Variants in RASGRF1 observed in about 807,000 individuals in gnomAD.
RASGRF1 encodes the protein ras-specific guanine nucleotide-releasing factor 1.
RASGRF1 carries 40 observed loss-of-function variants against 138.7 expected under a neutral mutation model. The observed-to-expected ratio is 0.29, with a 90% CI of 0.22 to 0.38. The LOEUF is 0.38. Among genes scored for constraint, RASGRF1 ranks in the 10% least tolerant of loss-of-function variants. RASGRF1 has a pLI of 1.00. For missense variants in RASGRF1, 1,108 were observed against 1,650.4 expected (o/e 0.67, Z 5.69); for synonymous variants, 614 against 663.2 (o/e 0.93, Z 1.14).
intron 1 of RASGRF1, among the ~76,000 whole-genome samples, chr15:79,082,988 A>G (rs2057933246): frequency 6.6e-6 from 1 of 152,180 alleles, no homozygotes; most frequent in Non-Finnish European, 1.5e-5. Context: ...GCGCTGTGCT[A>G]GGGCTTTCCA....
chr15:79,084,887 TG>T (rs1405758273), intron 1 of RASGRF1, among the ~76,000 whole-genome samples: 1 of 152,138 alleles, frequency 6.6e-6, no homozygotes, highest in African/African-American at 2.4e-5. Context: ...TTACAACCAA[TG>T]GGATGGCAGG....
Position 79,027,594 on chromosome 15 carries a change from C to T in RASGRF1, c.1381+147G>A. Reference sequence around the variant, plus strand: ...TCTACATATAGCTGTTGCATTCCGCCAGCAGCCTGGGAATATTCTGCAATC... The same window carrying T: ...TCTACATATAGCTGTTGCATTCCGCTAGCAGCCTGGGAATATTCTGCAATC... On this transcript the variant is annotated intron_variant, in intron 9 of 26. Transcript: ENST00000558480. The surrounding 1 kb of genome is among the most constrained non-coding windows in gnomAD (Gnocchi z 4.8). The T allele has an allele frequency of 1.5e-6, 1 of 669,528 alleles. No individual in the cohort carries two copies. Among genetic ancestry groups the T allele is most frequent in the Non-Finnish European group, 2.6e-6 (1 of 381,766 alleles). 41.5% of individuals were successfully genotyped at this position (669,528 alleles called of 1,614,324 possible). A position where few individuals can be genotyped will look rare whatever the true frequency, so the allele number is the denominator to read the frequency against.
At chr15:79,062,019 C>A (rs574171989) in intron 2 of RASGRF1, among the ~76,000 whole-genome samples, 1 of 152,290 alleles carries the variant, frequency 6.6e-6, no homozygotes, top group South Asian at 2.1e-4. Context: ...TATCTTCCTG[C>A]CAGCACTAGA....
intron 23 of RASGRF1, among the ~76,000 whole-genome samples, chr15:78,983,629 C>G (rs980115048): frequency 6.6e-6 from 1 of 152,196 alleles, no homozygotes; most frequent in Admixed American, 6.5e-5. Flanking sequence ...TTGGAATGGG[C>G]CCCCAGACTG....
intron 13 of RASGRF1, among the ~76,000 whole-genome samples, chr15:79,008,130 C>A (rs558393308): frequency 2.3e-3 from 352 of 152,302 alleles, no homozygotes; most frequent in African/African-American, 8.1e-3. Flanking sequence ...CGTGAGCCAC[C>A]GCACCTGGCT....
intron 8 of RASGRF1, among the ~76,000 whole-genome samples, chr15:79,028,178 C>G (rs1004908364): frequency 3.9e-5 from 6 of 152,208 alleles, no homozygotes; most frequent in South Asian, 2.1e-4. Flanking sequence ...GTAGAACAGA[C>G]AGCAGGTGCA....
intron 2 of RASGRF1, among the ~76,000 whole-genome samples, chr15:79,058,747 T>C (rs1282791222): frequency 1.3e-5 from 2 of 152,214 alleles, no homozygotes; most frequent in Non-Finnish European, 2.9e-5. Flanking sequence ...CCACCCACTT[T>C]TAAAGATAAA....
chr15:78,980,629 G>C lies in RASGRF1; in HGVS notation c.3485C>G (p.Ala1162Gly). The change falls in exon 24 of 27, where the codon GCT becomes GGT. Residue 1162 changes from alanine (A) to glycine (G), a missense_variant. Coordinates refer to ENST00000558480, the MANE Select transcript of RASGRF1 (RefSeq NM_001145648.3). Reference protein sequence around the residue: ...SEGRFKNLREALKNCDPPCVP... With the variant: ...SEGRFKNLREGLKNCDPPCVP... ...AACGACACACACTTACTTTTTCAGA[G>C]CTTCTCTGAGATTCTTAAATCTGCC... is the stretch of plus-strand genomic sequence containing the variant. The C allele has an allele frequency of 6.2e-7, 1 of 1,601,096 alleles. No individual in the cohort carries two copies. Among genetic ancestry groups the C allele is most frequent in the Non-Finnish European group, 8.6e-7 (1 of 1,168,846 alleles).
rs147840707 is a variant in RASGRF1 at position 79,004,638 on chromosome 15, G to T, written c.2076-463C>A. 8 of 987,618 alleles carry T rather than the reference G, an allele frequency of 8.1e-6. No homozygotes were observed. In the East Asian group the frequency reaches 9.0e-4, roughly 111 times the overall value. 61.2% of individuals were successfully genotyped at this position (987,618 alleles called of 1,614,324 possible). On this transcript the variant is annotated intron_variant, in intron 14 of 26. Transcript: ENST00000558480. ...CTGATGCCTCCTACTCTAAACGCAG[G>T]GTCCTTTCCACCTGCTTTGGGGCTT...
chr15:79,034,263 C>A (rs2057186998), intron 6 of RASGRF1, among the ~76,000 whole-genome samples: 1 of 152,048 alleles, frequency 6.6e-6, no homozygotes, highest in East Asian at 1.9e-4. Flanking sequence ...CCAACACTCA[C>A]CTTTATCTAC....
chr15:79,002,365 C>T (rs1171855571), intron 15 of RASGRF1, among the ~76,000 whole-genome samples: 1 of 152,122 alleles, frequency 6.6e-6, no homozygotes, highest in Non-Finnish European at 1.5e-5. Flanking sequence ...TATTAAAAGC[C>T]TAGGTCTGGC....
At chr15:78,994,609 C>G (rs1297374880) in intron 20 of RASGRF1, among the ~76,000 whole-genome samples, 2 of 152,164 alleles carry the variant, frequency 1.3e-5, no homozygotes, top group Non-Finnish European at 2.9e-5. Context: ...TTCTGGGGTG[C>G]ACATCACTGA....
At chr15:79,078,376 C>T (rs150245004) in intron 1 of RASGRF1, among the ~76,000 whole-genome samples, 9 of 152,344 alleles carry the variant, frequency 5.9e-5, no homozygotes, top group Non-Finnish European at 1.2e-4. Context: ...GCAGTGCATG[C>T]TCACCAACGC....
chr15:79,086,582 C>G (rs990221181), intron 1 of RASGRF1, among the ~76,000 whole-genome samples: 2 of 151,622 alleles, frequency 1.3e-5, no homozygotes, highest in Non-Finnish European at 3.0e-5. Flanking sequence ...AAGACCCCCC[C>G]CCCCCAGCTT....
intron 1 of RASGRF1, among the ~76,000 whole-genome samples, chr15:79,074,009 C>T (rs1055371857): frequency 3.3e-5 from 5 of 152,182 alleles, no homozygotes; most frequent in African/African-American, 1.2e-4. Context: ...TGCTGGGTGC[C>T]ACCAGTTTTC....
chr15:79,004,120 G>A lies in RASGRF1; in HGVS notation c.2131C>T (p.Pro711Ser). ...GQNNKLLYGE[P>S]PKSPRATRKF... ...CGGGTGGCGCGCGGGGACTTGGGGG[G>A]TTCACCGTACAGGAGCTTATTGTTC... The change falls in exon 15 of 27, where the codon CCC (proline) becomes TCC (serine). Residue 711 changes from proline (P) to serine (S), a missense_variant. By Grantham distance (74) the Pro-to-Ser change is moderately conservative (BLOSUM62 -1). Transcript: ENST00000558480. 1 of 1,613,020 alleles carries A rather than the reference G, an allele frequency of 6.2e-7. No individual in the cohort carries two copies. Among genetic ancestry groups the A allele is most frequent in the Non-Finnish European group, 8.5e-7 (1 of 1,179,636 alleles).
Position 78,962,118 on chromosome 15 carries a change from C to G in RASGRF1, c.*26G>C, listed in dbSNP as rs746957770. ...ATCATCTAGCACATGTCCCCGGGAGCAGCTGGGTCTGGGCTGGGCTCAGCT... is the reference window on the plus strand; with the variant it reads ...ATCATCTAGCACATGTCCCCGGGAGGAGCTGGGTCTGGGCTGGGCTCAGCT... On this transcript the variant is annotated 3_prime_UTR_variant, in exon 27 of 27. Coordinates refer to ENST00000558480, the MANE Select transcript of RASGRF1 (RefSeq NM_001145648.3). The G allele has an allele frequency of 4.2e-6, 6 of 1,412,626 alleles. No individual in the cohort carries two copies. The East Asian group carries it at 1.4e-4, about 34-fold the overall frequency. 87.5% of individuals were successfully genotyped at this position (1,412,626 alleles called of 1,614,324 possible).
Position 79,027,605 on chromosome 15 carries a change from G to C in RASGRF1, c.1381+136C>G, listed in dbSNP as rs944926534. On this transcript the variant is annotated intron_variant, in intron 9 of 26. Transcript: ENST00000558480. The surrounding 1 kb of genome is among the most constrained non-coding windows in gnomAD (Gnocchi z 4.8). The stretch of plus-strand genomic sequence containing the variant: ...CTGTTGCATTCCGCCAGCAGCCTGG[G>C]AATATTCTGCAATCACATTGGCAGG... 13 of 707,516 alleles carry C rather than the reference G, an allele frequency of 1.8e-5. No individual in the cohort carries two copies. Among genetic ancestry groups the C allele is most frequent in the Middle Eastern group, 3.8e-4 (1 of 2,612 alleles). 43.8% of individuals were successfully genotyped at this position (707,516 alleles called of 1,614,324 possible).
chr15:78,987,333 TA>T (rs11307184), intron 22 of RASGRF1, among the ~76,000 whole-genome samples: 129,279 of 150,926 alleles, frequency 0.86, 55,735 homozygotes, highest in East Asian at 0.97. Context: ...AAAAGATAAT[TA>T]AAAAAAAAAA....
Sources: gnomAD v4.1 joint callset for allele counts (sites outside exome capture counted in the v4.1 genomes callset) on GRCh38, gnomAD v4.1.1 for gene constraint, Gnocchi (gnomAD v3.1) non-coding constraint, MANE v1.5 for transcripts, NCBI Gene and HGNC (gene_info 2026-07-23, HGNC 2026-07-21) for gene names.